The following TMEM108 variants were observed in gnomAD, a reference collection of about 807,000 sequenced individuals.
The protein encoded by TMEM108 is cancer/testis antigen 124.
Under a neutral mutation model 35.1 loss-of-function variants are expected in TMEM108, and 12 were observed. That is an observed-to-expected ratio of 0.34 (90% CI 0.22 to 0.55). The LOEUF (loss-of-function observed/expected upper bound fraction) is 0.55. Ranked by LOEUF, TMEM108 falls within the 20% of genes least tolerant of loss-of-function variation. TMEM108 has a pLI of 0.89. For missense variants in TMEM108, 680 were observed against 753.3 expected, an observed-to-expected ratio of 0.90 and a Z score of 1.14; for synonymous variants, 287 against 308.6, an observed-to-expected ratio of 0.93 and a Z score of 0.73.
In TMEM108 at chr3:133,386,900, C is replaced by G. The variant is rs1465593436; in HGVS notation, c.1451-3280C>G. 4.3e-6 allele frequency: 3 copies of G among 689,846 alleles called. No homozygotes were observed. The African/African-American group carries it at 5.8e-5, about 13-fold the overall frequency. 42.7% of individuals were successfully genotyped at this position (689,846 alleles called of 1,614,324 possible). ...ATTAGCTTCTATGACCTTCAGTTAC[C>G]TGTTCTGAAAATGGGAAGAGCAATA... On this transcript the variant is annotated intron_variant, in intron 4 of 5. Transcript: ENST00000321871.
intron 3 of TMEM108, among the ~76,000 whole-genome samples, chr3:133,332,247 A>G (rs2071404900): frequency 6.6e-6 from 1 of 152,172 alleles, no homozygotes; most frequent in South Asian, 2.1e-4. Context: ...GGTACAGTGA[A>G]TCTCCAGATG....
intron 2 of TMEM108, among the ~76,000 whole-genome samples, chr3:133,053,848 C>T (rs560925448): frequency 2.6e-5 from 4 of 152,290 alleles, no homozygotes; most frequent in South Asian, 4.1e-4. Context: ...TTCCATTTAT[C>T]GTTCCCACAA....
At chr3:133,267,213 C>T (rs1303937638) in intron 3 of TMEM108, among the ~76,000 whole-genome samples, 1 of 152,126 alleles carries the variant, frequency 6.6e-6, no homozygotes, top group Non-Finnish European at 1.5e-5. Context: ...GGTACTCTGG[C>T]ACTGAGGATA....
At chr3:133,135,565 G>A (rs1944553882) in intron 2 of TMEM108, among the ~76,000 whole-genome samples, 1 of 152,142 alleles carries the variant, frequency 6.6e-6, no homozygotes, top group African/African-American at 2.4e-5. Flanking sequence ...ATGCAACAGG[G>A]AATTGGGGGA....
At chr3:133,393,806 G>C (rs757817757) in intron 5 of TMEM108, among the ~76,000 whole-genome samples, 1 of 152,180 alleles carries the variant, frequency 6.6e-6, no homozygotes, top group East Asian at 1.9e-4. Context: ...GACAATACTC[G>C]TGAACGCACT....
Position 133,342,359 on chromosome 3 carries a change from A to C in TMEM108, c.41-37393A>C, listed in dbSNP as rs547757463. Reference sequence around the variant, plus strand: ...TATACATTTTAAAAATAACTAAAAGAGTATAACTGGATTGTTTGTAACACA... The same window carrying C: ...TATACATTTTAAAAATAACTAAAAGCGTATAACTGGATTGTTTGTAACACA... On this transcript the variant is annotated intron_variant, in intron 3 of 5. Coordinates refer to ENST00000321871, the MANE Select transcript of TMEM108 (RefSeq NM_023943.4). 2.1e-3 allele frequency among the ~76,000 whole-genome samples: 310 copies of C among 150,942 alleles called. 2 individuals carry two copies. Among genetic ancestry groups the C allele is most frequent in the African/African-American group, 6.3e-3 (261 of 41,272 alleles).
chr3:133,118,248 G>A (rs978327247), intron 2 of TMEM108, among the ~76,000 whole-genome samples: 1 of 152,056 alleles, frequency 6.6e-6, no homozygotes, highest in Non-Finnish European at 1.5e-5. Flanking sequence ...TCCAGGTGTG[G>A]AAACTACTCA....
At chr3:133,161,748 C>T (rs1047339402) in intron 2 of TMEM108, among the ~76,000 whole-genome samples, 1 of 150,730 alleles carries the variant, frequency 6.6e-6, no homozygotes, top group Non-Finnish European at 1.5e-5. Context: ...TCACCTATAA[C>T]AGAACTTGTT....
chr3:133,327,520 AG>A (rs1306042219), intron 3 of TMEM108, among the ~76,000 whole-genome samples: 1 of 152,094 alleles, frequency 6.6e-6, no homozygotes, highest in East Asian at 1.9e-4. Context: ...TAGTGATAGG[AG>A]CCCCCCAGAA....
intron 3 of TMEM108, among the ~76,000 whole-genome samples, chr3:133,255,635 A>G (rs1470038877): frequency 6.6e-6 from 1 of 152,172 alleles, no homozygotes; most frequent in African/African-American, 2.4e-5. Context: ...ATGGCTTAGA[A>G]TATTTTCTAG....
chr3:133,373,431 TA>T (rs1284463691), intron 3 of TMEM108, among the ~76,000 whole-genome samples: 2 of 140,776 alleles, frequency 1.4e-5, no homozygotes, highest in Non-Finnish European at 3.1e-5. Context: ...GATAGATAGA[TA>T]GATAGATAGA....
At chr3:133,389,513 G>C (rs576342593) in intron 4 of TMEM108, 1 of 487,324 alleles carries the variant, frequency 2.1e-6, no homozygotes, top group East Asian at 1.5e-4. Flanking sequence ...GCAAAACCCT[G>C]TCTCTACTAA....
chr3:133,178,218 C>T (rs554958782), intron 2 of TMEM108, among the ~76,000 whole-genome samples: 120 of 152,240 alleles, frequency 7.9e-4, no homozygotes, highest in Non-Finnish European at 1.4e-3. Context: ...GAATCAATAT[C>T]GTGAAAATGG....
At chr3:133,143,095 A>T (rs1944663583) in intron 2 of TMEM108, among the ~76,000 whole-genome samples, 1 of 152,176 alleles carries the variant, frequency 6.6e-6, no homozygotes. Flanking sequence ...GAAAAAAGAA[A>T]CAAGTGTATG....
chr3:133,313,870 A>G (rs1378145522), intron 3 of TMEM108, among the ~76,000 whole-genome samples: 1 of 152,040 alleles, frequency 6.6e-6, no homozygotes, highest in Non-Finnish European at 1.5e-5. Flanking sequence ...CTGTGAAGAG[A>G]GCATTTATAA....
At chr3:133,387,494 G>T in intron 4 of TMEM108, 2 of 985,474 alleles carry the variant, frequency 2.0e-6, no homozygotes, top group Non-Finnish European at 2.4e-6. Flanking sequence ...CGCAGGGCAG[G>T]ATCTCTGCAT....
In TMEM108 at chr3:133,171,431, C is replaced by T. The variant is rs1246968204; in HGVS notation, c.-46-57835C>T. Among the ~76,000 whole-genome samples, 10 of 152,286 alleles carry T rather than the reference C, an allele frequency of 6.6e-5. No homozygotes were observed. The East Asian group carries it at 1.7e-3, about 26-fold the overall frequency. ...TTGCTCTGTCACCTATGCTGGAGTG[C>T]AGTGGTGCAATCATAGCTCACTGCA... is the stretch of plus-strand genomic sequence containing the variant. On this transcript the variant is annotated intron_variant, in intron 2 of 5. Coordinates refer to ENST00000321871, the MANE Select transcript of TMEM108 (RefSeq NM_023943.4).
At chr3:133,134,182 A>T (rs1944531706) in intron 2 of TMEM108, among the ~76,000 whole-genome samples, 1 of 151,998 alleles carries the variant, frequency 6.6e-6, no homozygotes, top group Admixed American at 6.6e-5. Context: ...TATATTTCTA[A>T]TATTGCATTG....
intron 3 of TMEM108, among the ~76,000 whole-genome samples, chr3:133,338,279 G>A (rs946129940): frequency 2.6e-5 from 4 of 151,956 alleles, no homozygotes; most frequent in South Asian, 2.1e-4. Context: ...ACTCCCAAAC[G>A]TCAAGGATAA....
Sources: allele counts gnomAD v4.1 joint callset (sites outside exome capture counted in the v4.1 genomes callset), GRCh38; gene constraint gnomAD v4.1.1; transcripts MANE v1.5; gene names NCBI Gene and HGNC (gene_info 2026-07-23, HGNC 2026-07-21).